SUCLG2: variants seen among roughly 807,000 people sequenced by gnomAD.
SUCLG2 encodes succinate-CoA ligase GDP-forming subunit beta.
In SUCLG2, 42 loss-of-function variants were observed where a neutral mutation model predicts 47.9. That is an observed-to-expected ratio of 0.88 (90% CI 0.69 to 1.14). The LOEUF is 1.14. SUCLG2 is among the 50% of genes most tolerant of loss of function. The pLI, the probability that SUCLG2 is intolerant of heterozygous loss-of-function variation, is 0.00. For missense variants in SUCLG2, 571 were observed against 525.9 expected (o/e 1.09, Z -0.84); for synonymous variants, 195 against 197.3 (o/e 0.99, Z 0.10).
intron 6 of SUCLG2, among the ~76,000 whole-genome samples, chr3:67,510,354 C>A (rs1382694547): frequency 6.6e-6 from 1 of 152,070 alleles, no homozygotes; most frequent in Non-Finnish European, 1.5e-5. Flanking sequence ...ATAAACGAAC[C>A]CACATAATGA....
chr3:67,426,580 G>C (rs1703306056), intron 9 of SUCLG2, among the ~76,000 whole-genome samples: 1 of 152,096 alleles, frequency 6.6e-6, no homozygotes, highest in Non-Finnish European at 1.5e-5. Flanking sequence ...GTATTGAAAT[G>C]TCTCATTTAT....
At chr3:67,572,485 CAG>C (rs1425243183) in intron 2 of SUCLG2, among the ~76,000 whole-genome samples, 1 of 152,144 alleles carries the variant, frequency 6.6e-6, no homozygotes, top group Non-Finnish European at 1.5e-5. Flanking sequence ...ATTAAAATAT[CAG>C]TGTTCTTACA....
At chr3:67,559,770 A>C (rs1404647874) in intron 2 of SUCLG2, among the ~76,000 whole-genome samples, 4 of 152,222 alleles carry the variant, frequency 2.6e-5, no homozygotes, top group Non-Finnish European at 5.9e-5. Flanking sequence ...CAGGGCAATA[A>C]AACTACTCTG....
At chr3:67,647,230 A>C (rs1211605971) in intron 1 of SUCLG2, among the ~76,000 whole-genome samples, 2 of 152,222 alleles carry the variant, frequency 1.3e-5, no homozygotes, top group East Asian at 3.9e-4. Flanking sequence ...CCATGTCTCC[A>C]TTAACAATTC....
At chr3:67,604,584 T>C (rs1708488360) in intron 2 of SUCLG2, among the ~76,000 whole-genome samples, 1 of 152,152 alleles carries the variant, frequency 6.6e-6, no homozygotes, top group Non-Finnish European at 1.5e-5. Flanking sequence ...GGCGACCAAC[T>C]GAATATAGTA....
chr3:67,461,890 C>G (rs1704346703), intron 9 of SUCLG2, among the ~76,000 whole-genome samples: 1 of 151,936 alleles, frequency 6.6e-6, no homozygotes, highest in Non-Finnish European at 1.5e-5. Context: ...AGAGGAAGAA[C>G]ATTCTGGGAG....
chr3:67,531,195 G>T (rs1319715427), intron 2 of SUCLG2, among the ~76,000 whole-genome samples: 1 of 152,132 alleles, frequency 6.6e-6, no homozygotes, highest in Non-Finnish European at 1.5e-5. Flanking sequence ...AAGAAAAAAT[G>T]GCACACAGGA....
At chr3:67,552,570 C>G (rs1427510106) in intron 2 of SUCLG2, among the ~76,000 whole-genome samples, 1 of 152,164 alleles carries the variant, frequency 6.6e-6, no homozygotes, top group African/African-American at 2.4e-5. Context: ...AATACGAGAA[C>G]GTGGATTTGA....
At chr3:67,654,015 G>A (rs1313155069) in intron 1 of SUCLG2, among the ~76,000 whole-genome samples, 1 of 152,208 alleles carries the variant, frequency 6.6e-6, no homozygotes, top group East Asian at 1.9e-4. Flanking sequence ...TGCAAAAGCA[G>A]GTAGCCTGCA....
chr3:67,537,934 A>T (rs991157268), intron 2 of SUCLG2, among the ~76,000 whole-genome samples: 1 of 151,988 alleles, frequency 6.6e-6, no homozygotes, highest in Non-Finnish European at 1.5e-5. Flanking sequence ...CTTTCTTGTA[A>T]ATTTGTTTAA....
intron 10 of SUCLG2, among the ~76,000 whole-genome samples, chr3:67,381,985 C>T (rs556502074): frequency 2.6e-5 from 4 of 152,090 alleles, no homozygotes; most frequent in Admixed American, 6.6e-5. Context: ...GGATTTTGTT[C>T]GCAAGGTGCA....
intron 10 of SUCLG2, among the ~76,000 whole-genome samples, chr3:67,376,965 C>T (rs1702046476): frequency 6.6e-6 from 1 of 152,220 alleles, no homozygotes; most frequent in South Asian, 2.1e-4. Context: ...TTGGGTAAAT[C>T]GTTTAACTTC....
intron 6 of SUCLG2, among the ~76,000 whole-genome samples, 184 bp from the exon 7 acceptor site, chr3:67,509,087 G>A (rs1705717786): frequency 6.6e-6 from 1 of 152,100 alleles, no homozygotes. Context: ...GAATTGCTCA[G>A]CTCTCCTCTA....
At chr3:67,643,840 C>T (rs948970960) in intron 1 of SUCLG2, among the ~76,000 whole-genome samples, 1 of 152,200 alleles carries the variant, frequency 6.6e-6, no homozygotes, top group Non-Finnish European at 1.5e-5. Flanking sequence ...TCATACCTGG[C>T]TAATTTTTGT....
At chr3:67,516,728 T>C (rs1705954986) in intron 6 of SUCLG2, among the ~76,000 whole-genome samples, 2 of 152,158 alleles carry the variant, frequency 1.3e-5, no homozygotes, top group African/African-American at 4.8e-5. Context: ...AAGATTAGGA[T>C]CTAGCAAAGG....
chr3:67,458,604 G>A (rs754246464), intron 9 of SUCLG2, among the ~76,000 whole-genome samples: 9 of 152,010 alleles, frequency 5.9e-5, no homozygotes, highest in African/African-American at 2.2e-4. Flanking sequence ...ATGAGTAGCC[G>A]GTGCTTATTG....
chr3:67,642,434 G>A (rs1288378869), intron 1 of SUCLG2, among the ~76,000 whole-genome samples: 3 of 151,866 alleles, frequency 2.0e-5, no homozygotes, highest in Non-Finnish European at 4.4e-5. Flanking sequence ...GCAAGACCTT[G>A]TCTCTACAAA....
rs541512990 is a variant in SUCLG2 at position 67,386,250 on chromosome 3, G to A, written c.1184-10391C>T. On this transcript the variant is annotated intron_variant, in intron 10 of 10. Coordinates refer to ENST00000307227, the MANE Select transcript of SUCLG2 (RefSeq NM_003848.4). ...ACTACAGGCGCCCGCCACCACGCCC[G>A]GCTAATTTTTTTTTTTTTTTGTATT... Among the ~76,000 whole-genome samples, 425 of 143,358 alleles carry A rather than the reference G, an allele frequency of 3.0e-3. 1 individual carries two copies. Among genetic ancestry groups the A allele is most frequent in the African/African-American group, 0.01 (381 of 36,484 alleles). The allele number at this position is 143,358 out of a possible 152,430, so 94.0% of individuals were successfully genotyped here.
intron 10 of SUCLG2, among the ~76,000 whole-genome samples, chr3:67,386,693 C>T (rs1702267858): frequency 6.6e-6 from 1 of 152,174 alleles, no homozygotes; most frequent in African/African-American, 2.4e-5. Context: ...GAAAAACCCA[C>T]CACCATGATT....
Sources: gnomAD v4.1 joint callset for allele counts (sites outside exome capture counted in the v4.1 genomes callset) on GRCh38, gnomAD v4.1.1 for gene constraint, MANE v1.5 for transcripts, NCBI Gene and HGNC (gene_info 2026-07-23, HGNC 2026-07-21) for gene names.